The following CLOCK variants were observed in gnomAD, a reference collection of about 807,000 sequenced individuals.
CLOCK encodes clock circadian regulator.
Under a neutral mutation model 118.4 loss-of-function variants are expected in CLOCK, and 43 were observed. That is an observed-to-expected ratio of 0.36 (90% CI 0.28 to 0.47). The LOEUF (loss-of-function observed/expected upper bound fraction) is 0.47, where lower values mean the gene tolerates loss of function less well. Ranked by LOEUF, CLOCK falls within the 20% of genes least tolerant of loss-of-function variation. The pLI is 1.00. For missense variants in CLOCK, 846 were observed against 999.9 expected, an observed-to-expected ratio of 0.85 and a Z score of 2.08; for synonymous variants, 326 against 339.2, an observed-to-expected ratio of 0.96 and a Z score of 0.43.
intron 1 of CLOCK, among the ~76,000 whole-genome samples, chr4:55,528,306 A>C (rs1730330717): frequency 6.6e-6 from 1 of 151,858 alleles, no homozygotes; most frequent in Non-Finnish European, 1.5e-5. Context: ...AGATCATGCC[A>C]TTGCTCTCCA....
At chr4:55,543,306 A>G (rs551794551) in intron 1 of CLOCK, among the ~76,000 whole-genome samples, 2 of 152,332 alleles carry the variant, frequency 1.3e-5, no homozygotes, top group Admixed American at 6.5e-5. Flanking sequence ...CCTATGGTCT[A>G]TATCAGATGT....
chr4:55,523,651 T>C (rs2110068451), intron 1 of CLOCK, among the ~76,000 whole-genome samples: 1 of 152,304 alleles, frequency 6.6e-6, no homozygotes, highest in Admixed American at 6.5e-5. Context: ...CCTGTACTGC[T>C]TCCAGGTTTC....
chr4:55,514,401 C>CTA (rs1198231219), intron 1 of CLOCK, among the ~76,000 whole-genome samples: 1 of 152,080 alleles, frequency 6.6e-6, no homozygotes, highest in African/African-American at 2.4e-5. Flanking sequence ...AATTCACATA[C>CTA]TATAACACTC....
rs748340308 is a variant in CLOCK, at chr4:55,455,953, C to A, written c.926G>T (p.Gly309Val). The A allele has an allele frequency of 2.5e-6, 4 of 1,613,630 alleles. No individual in the cohort carries two copies. Among genetic ancestry groups the A allele is most frequent in the East Asian group, 2.2e-5 (1 of 44,770 alleles). ...YLPFEVLGTSGYDYYHVDDLE... is the reference protein window; with the variant it reads ...YLPFEVLGTSVYDYYHVDDLE... ...GTCATCCACATGATAGTAATCATAG[C>A]CTGATGTTCCCAGAACTTCAAATGG... The change falls in exon 13 of 23, where the codon GGC becomes GTC. Residue 309 changes from glycine (G) to valine (V), a missense_variant. Coordinates refer to ENST00000513440, the MANE Select transcript of CLOCK (RefSeq NM_004898.4).
At chr4:55,522,860 G>A (rs1349621014) in intron 1 of CLOCK, among the ~76,000 whole-genome samples, 2 of 152,114 alleles carry the variant, frequency 1.3e-5, no homozygotes, top group East Asian at 3.8e-4. Flanking sequence ...TGAAAGCAAG[G>A]AAGCTATCAA....
intron 13 of CLOCK, among the ~76,000 whole-genome samples, chr4:55,455,397 AAG>A (rs1200352418): frequency 6.6e-6 from 1 of 152,188 alleles, no homozygotes; most frequent in African/African-American, 2.4e-5. Flanking sequence ...GAGAATAATG[AAG>A]ATAATAGATG....
At chr4:55,534,340 G>T (rs1330400285) in intron 1 of CLOCK, among the ~76,000 whole-genome samples, 1 of 151,854 alleles carries the variant, frequency 6.6e-6, no homozygotes, top group African/African-American at 2.4e-5. Flanking sequence ...ATCAGACAAA[G>T]ATACCACAAA....
At chr4:55,441,686 C>CA (rs1378309571) in intron 21 of CLOCK, among the ~76,000 whole-genome samples, 1 of 152,178 alleles carries the variant, frequency 6.6e-6, no homozygotes, top group Non-Finnish European at 1.5e-5. Flanking sequence ...GCTATGGGTA[C>CA]AGCAAAGGCA....
chr4:55,514,500 T>TC (rs34028624), intron 1 of CLOCK, among the ~76,000 whole-genome samples: 50,389 of 146,844 alleles, frequency 0.34, 8,839 homozygotes, highest in East Asian at 0.56. Context: ...AACATTTTTA[T>TC]CCCCCCCCCA....
intron 1 of CLOCK, among the ~76,000 whole-genome samples, chr4:55,528,354 AAAAAAT>A (rs1222925523): frequency 6.6e-6 from 1 of 151,988 alleles, no homozygotes; most frequent in Non-Finnish European, 1.5e-5. Context: ...CTCAAAAAAA[AAAAAAT>A]TAATTAATTA....
At chr4:55,532,360 G>A (rs1191076857) in intron 1 of CLOCK, among the ~76,000 whole-genome samples, 2 of 151,990 alleles carry the variant, frequency 1.3e-5, no homozygotes, top group Non-Finnish European at 2.9e-5. Context: ...ACTCAAATAA[G>A]AAAGAAAATT....
intron 1 of CLOCK, among the ~76,000 whole-genome samples, chr4:55,539,498 A>G (rs553700218): frequency 6.9e-6 from 1 of 144,494 alleles, no homozygotes; most frequent in South Asian, 2.3e-4. Context: ...GCCTGAGCCC[A>G]AAAGGTTGAG....
At position 55,448,832 on chromosome 4, in the gene CLOCK, G is replaced by A; in HGVS notation, c.1486C>T (p.Gln496Ter). 1 of 1,613,942 alleles carries A rather than the reference G, an allele frequency of 6.2e-7. No homozygotes were observed. The highest frequency in any genetic ancestry group is 8.5e-7 in the Non-Finnish European group (1 of 1,179,906). ...TTTGTAGCTTGAGACATCACTGGCT[G>A]TGTTAATGATGAACCAACAGACTGG... ...NSQSVGSSLT[Q>*]PVMSQATNLP... Residue 496 changes from glutamine to a stop codon, truncating the protein, a stop_gained, in exon 18 of 23, where the codon CAG (glutamine) becomes TAG (stop). Coordinates refer to ENST00000513440, the MANE Select transcript of CLOCK (RefSeq NM_004898.4). LOFTEE classifies it high-confidence loss of function.
chr4:55,533,514 T>C (rs1730688066), intron 1 of CLOCK, among the ~76,000 whole-genome samples: 1 of 152,232 alleles, frequency 6.6e-6, no homozygotes, highest in Non-Finnish European at 1.5e-5. Flanking sequence ...TTTAATTAAG[T>C]ATTTTAGATA....
intron 2 of CLOCK, among the ~76,000 whole-genome samples, chr4:55,508,157 G>GAGAT (rs2091025674): frequency 2.0e-5 from 3 of 152,048 alleles, no homozygotes; most frequent in Non-Finnish European, 4.4e-5. Flanking sequence ...GACTCCAAAG[G>GAGAT]GACAGTGTAC....
intron 1 of CLOCK, among the ~76,000 whole-genome samples, chr4:55,525,187 T>C (rs1730099143): frequency 6.6e-6 from 1 of 152,158 alleles, no homozygotes; most frequent in African/African-American, 2.4e-5. Flanking sequence ...AAAAAGAAAA[T>C]TTTGGCTGTG....
intron 2 of CLOCK, among the ~76,000 whole-genome samples, chr4:55,495,569 C>T (rs191857887): frequency 1.3e-5 from 2 of 152,276 alleles, no homozygotes; most frequent in African/African-American, 4.8e-5. Flanking sequence ...TTATCCCCTC[C>T]TTATTGTAGT....
intron 17 of CLOCK, 145 bp from the exon 18 acceptor site, chr4:55,449,013 A>G: frequency 1.5e-6 from 1 of 677,606 alleles, no homozygotes; most frequent in Non-Finnish European, 2.5e-6. Context: ...ATGTCTTCTC[A>G]TCTATATTGG....
intron 1 of CLOCK, among the ~76,000 whole-genome samples, chr4:55,521,501 C>A (rs746123466): frequency 1.1e-4 from 16 of 152,130 alleles, no homozygotes; most frequent in Non-Finnish European, 1.8e-4. Context: ...TGCAGGCGTG[C>A]GTCAACACAC....
Sources: gnomAD v4.1 joint callset for allele counts (sites outside exome capture counted in the v4.1 genomes callset) on GRCh38, gnomAD v4.1.1 for gene constraint, MANE v1.5 for transcripts, NCBI Gene and HGNC (gene_info 2026-07-23, HGNC 2026-07-21) for gene names.